Variants in GNAZ observed in about 807,000 individuals in gnomAD.
GNAZ encodes G protein subunit alpha z.
GNAZ carries 3 observed loss-of-function variants against 25.4 expected under a neutral mutation model. The ratio of observed to expected loss-of-function variants is 0.12; its 90% CI spans 0.05 to 0.30. GNAZ has a LOEUF of 0.30. Ranked by LOEUF, GNAZ falls within the 10% of genes least tolerant of loss-of-function variation. GNAZ has a pLI of 1.00. For missense variants in GNAZ, 241 were observed against 501.8 expected, an observed-to-expected ratio of 0.48 and a Z score of 4.97; for synonymous variants, 211 against 205.7, an observed-to-expected ratio of 1.03 and a Z score of -0.22.
chr22:23,084,384 TTCTGA>T (rs2068760656), intron 1 of GNAZ, among the ~76,000 whole-genome samples: 1 of 152,200 alleles, frequency 6.6e-6, no homozygotes, highest in African/African-American at 2.4e-5. Context: ...AATGTAAGTG[TTCTGA>T]GCACATTTAA....
In GNAZ at chr22:23,124,515, A is replaced by G; in HGVS notation, c.*1084A>G. The G allele has an allele frequency of 2.9e-6, 1 of 340,536 alleles. No individual in the cohort carries two copies. The highest frequency in any genetic ancestry group is 6.4e-6 in the Non-Finnish European group (1 of 155,832). 21.1% of individuals were successfully genotyped at this position (340,536 alleles called of 1,614,324 possible). On this transcript the variant is annotated 3_prime_UTR_variant, in exon 3 of 3. Transcript: ENST00000615612. ...GGGGTTTTCTGCTTTGTTTTTATTT[A>G]AGAAAATAAACACGACATATTTAAA... is the stretch of plus-strand genomic sequence containing the variant.
intron 1 of GNAZ, among the ~76,000 whole-genome samples, chr22:23,072,992 G>C (rs2068417078): frequency 6.6e-6 from 1 of 152,222 alleles, no homozygotes; most frequent in African/African-American, 2.4e-5. Context: ...CAGTGGGACA[G>C]GAATGCTGAA....
At chr22:23,107,190 T>C (rs1175379608) in intron 2 of GNAZ, among the ~76,000 whole-genome samples, 3 of 152,166 alleles carry the variant, frequency 2.0e-5, no homozygotes, top group Non-Finnish European at 4.4e-5. Flanking sequence ...CAGGCATAGT[T>C]GCAGGGGGGA....
chr22:23,082,675 G>A (rs1025585880), intron 1 of GNAZ, among the ~76,000 whole-genome samples: 18 of 152,086 alleles, frequency 1.2e-4, no homozygotes, highest in African/African-American at 4.3e-4. Context: ...TCCCACGGCA[G>A]GCCAGCCTGG....
intron 1 of GNAZ, among the ~76,000 whole-genome samples, chr22:23,086,634 C>G (rs758741650): frequency 1.2e-4 from 19 of 152,314 alleles, no homozygotes; most frequent in Middle Eastern, 3.4e-3. Context: ...AGACCCTCCC[C>G]GGGGCCCAGC....
At chr22:23,113,756 T>G (rs1569183169) in intron 2 of GNAZ, among the ~76,000 whole-genome samples, 2 of 152,208 alleles carry the variant, frequency 1.3e-5, no homozygotes, top group African/African-American at 4.8e-5. Flanking sequence ...TGGGAATGCC[T>G]GTGTCCCAGA....
chr22:23,100,387 G>A (rs1386809753), intron 2 of GNAZ, among the ~76,000 whole-genome samples: 1 of 152,254 alleles, frequency 6.6e-6, no homozygotes, highest in Non-Finnish European at 1.5e-5. Flanking sequence ...TTCACCGTGG[G>A]AGGCCTGGTG....
chr22:23,075,854 C>T (rs1179770915), intron 1 of GNAZ, among the ~76,000 whole-genome samples: 1 of 152,126 alleles, frequency 6.6e-6, no homozygotes, highest in Non-Finnish European at 1.5e-5. Context: ...GAGGTCTGCC[C>T]CTGTGAGTCA....
At chr22:23,119,429 C>T (rs566179879) in intron 2 of GNAZ, among the ~76,000 whole-genome samples, 21 of 152,332 alleles carry the variant, frequency 1.4e-4, no homozygotes, top group African/African-American at 5.1e-4. Flanking sequence ...CTTCAGCCTC[C>T]CGCTCTGTCT....
chr22:23,096,560 C>T (rs1354085641), intron 2 of GNAZ, 142 bp downstream of exon 2: 8 of 855,128 alleles, frequency 9.4e-6, no homozygotes, highest in South Asian at 1.7e-5. Flanking sequence ...ATAACTGAGG[C>T]AGCTCCAGCA....
At chr22:23,106,274 G>A (rs543167003) in intron 2 of GNAZ, among the ~76,000 whole-genome samples, 1 of 152,370 alleles carries the variant, frequency 6.6e-6, no homozygotes, top group African/African-American at 2.4e-5. Flanking sequence ...AGGGTAAGGG[G>A]GGTGGCGCCT....
chr22:23,086,669 G>A (rs1402133590), intron 1 of GNAZ, among the ~76,000 whole-genome samples: 3 of 152,260 alleles, frequency 2.0e-5, no homozygotes, highest in African/African-American at 7.2e-5. Flanking sequence ...GACCTCCCAT[G>A]AAGATGTGTG....
In GNAZ at chr22:23,095,617, C is replaced by A; in HGVS notation, c.-79C>A. On this transcript the variant is annotated 5_prime_UTR_variant, in exon 2 of 3. The change creates a new upstream start codon in the 5' untranslated region. Coordinates refer to ENST00000615612, the MANE Select transcript of GNAZ (RefSeq NM_002073.4). ...CCAGGGCAGCTGGGCTCTTGTCTGCCTGGTCTCAGTGTCCCCTGTGGCAAG... is the reference window on the plus strand; with the variant it reads ...CCAGGGCAGCTGGGCTCTTGTCTGCATGGTCTCAGTGTCCCCTGTGGCAAG... The A allele has an allele frequency of 6.7e-7, 1 of 1,487,710 alleles. No individual in the cohort carries two copies. Among genetic ancestry groups the A allele is most frequent in the Non-Finnish European group, 9.0e-7 (1 of 1,110,062 alleles). 92.2% of individuals were successfully genotyped at this position (1,487,710 alleles called of 1,614,324 possible).
In GNAZ at chr22:23,095,614, T is replaced by A; in HGVS notation, c.-82T>A. ...CCTCCAGGGCAGCTGGGCTCTTGTC[T>A]GCCTGGTCTCAGTGTCCCCTGTGGC... On this transcript the variant is annotated 5_prime_UTR_variant, in exon 2 of 3. Coordinates refer to ENST00000615612, the MANE Select transcript of GNAZ (RefSeq NM_002073.4). 1 of 1,476,358 alleles carries A rather than the reference T, an allele frequency of 6.8e-7. No homozygotes were observed. The highest frequency in any genetic ancestry group is 9.1e-7 in the Non-Finnish European group (1 of 1,101,764). The allele number at this position is 1,476,358 out of a possible 1,614,324, so 91.5% of individuals were successfully genotyped here. A position where few individuals can be genotyped will look rare whatever the true frequency, so the allele number is the denominator to read the frequency against.
chr22:23,085,891 A>G (rs980584926), intron 1 of GNAZ, among the ~76,000 whole-genome samples: 3 of 152,174 alleles, frequency 2.0e-5, no homozygotes, highest in Non-Finnish European at 4.4e-5. Context: ...TTCTCTCTCA[A>G]TCCTTCTCCT....
At chr22:23,118,255 C>T (rs193181883) in intron 2 of GNAZ, among the ~76,000 whole-genome samples, 41 of 152,240 alleles carry the variant, frequency 2.7e-4, no homozygotes, top group Non-Finnish European at 5.9e-5. Flanking sequence ...CACCATTCCC[C>T]GACGCCAAGC....
At chr22:23,084,922 G>A (rs940434990) in intron 1 of GNAZ, among the ~76,000 whole-genome samples, 9 of 152,218 alleles carry the variant, frequency 5.9e-5, no homozygotes, top group Admixed American at 2.6e-4. Flanking sequence ...GACATCGCAC[G>A]TCCAGGTGCC....
In GNAZ at chr22:23,123,464, GA is replaced by G; in HGVS notation, c.*36del. On this transcript the variant is annotated 3_prime_UTR_variant, in exon 3 of 3. Coordinates refer to ENST00000615612, the MANE Select transcript of GNAZ (RefSeq NM_002073.4). ...GGCCCGGGGCCCGCCTGCCTATGGTGAAACCCACGGGGTGTCATGCCCCAAC... is the reference window on the plus strand; with the variant it reads ...GGCCCGGGGCCCGCCTGCCTATGGTGAACCCACGGGGTGTCATGCCCCAAC... 7.0e-7 allele frequency: 1 copy of G among 1,437,576 alleles called. No homozygotes were observed. The highest frequency in any genetic ancestry group is 9.7e-7 in the Non-Finnish European group (1 of 1,031,964). 89.1% of individuals were successfully genotyped at this position (1,437,576 alleles called of 1,614,324 possible).
chr22:23,094,411 C>T (rs777184931), intron 1 of GNAZ, among the ~76,000 whole-genome samples: 21 of 152,146 alleles, frequency 1.4e-4, no homozygotes, highest in African/African-American at 4.6e-4. Context: ...CCCTGACTCG[C>T]GGGGTTGGTG....
Sources: allele counts gnomAD v4.1 joint callset (sites outside exome capture counted in the v4.1 genomes callset), GRCh38; gene constraint gnomAD v4.1.1; transcripts MANE v1.5; gene names NCBI Gene and HGNC (gene_info 2026-07-23, HGNC 2026-07-21).